LPP: variants seen among roughly 807,000 people sequenced by gnomAD.
LPP encodes the protein lipoma-preferred partner.
In LPP, 38 loss-of-function variants were observed where a neutral mutation model predicts 60.4. That is an observed-to-expected ratio of 0.63 (90% CI 0.49 to 0.83). The LOEUF (loss-of-function observed/expected upper bound fraction) is 0.83. LPP is among the 40% of genes least tolerant of loss of function. LPP has a pLI of 0.00. For missense variants in LPP, 902 were observed against 783.6 expected (o/e 1.15, Z -1.80); for synonymous variants, 328 against 290.8 (o/e 1.13, Z -1.30).
intron 9 of LPP, among the ~76,000 whole-genome samples, chr3:188,789,597 A>C (rs1001740283): frequency 2.0e-5 from 3 of 152,004 alleles, no homozygotes; most frequent in African/African-American, 7.3e-5. Flanking sequence ...CCAGCTTTTG[A>C]TGTGCTTGCA....
In LPP at chr3:188,528,317, G is replaced by A. The variant is rs967350561; in HGVS notation, c.429+3530G>A. On this transcript the variant is annotated intron_variant, in intron 6 of 11. Coordinates refer to ENST00000617246, the MANE Select transcript of LPP (RefSeq NM_001375462.1). Reference sequence around the variant, plus strand: ...GCTGGGGTTACAGGCATGAGCCACCGTGCCCTGCCCCTCCCCGCCCCCCAG... The same window carrying A: ...GCTGGGGTTACAGGCATGAGCCACCATGCCCTGCCCCTCCCCGCCCCCCAG... Among the ~76,000 whole-genome samples, 19 of 152,098 alleles carry A rather than the reference G, an allele frequency of 1.2e-4. No individual in the cohort carries two copies. In the East Asian group the frequency reaches 3.1e-3, roughly 25 times the overall value.
intron 8 of LPP, among the ~76,000 whole-genome samples, chr3:188,755,289 T>C (rs1394530008): frequency 6.6e-6 from 1 of 152,132 alleles, no homozygotes; most frequent in Non-Finnish European, 1.5e-5. Context: ...TGGTGAATAA[T>C]GGGAAAGTTT....
chr3:188,440,949 ATGTGTG>A (rs10680234), intron 4 of LPP, among the ~76,000 whole-genome samples: 1 of 146,840 alleles, frequency 6.8e-6, no homozygotes, highest in Non-Finnish European at 1.5e-5. Context: ...CTCCCTTAAT[ATGTGTG>A]TGTGTGTGTG....
intron 5 of LPP, among the ~76,000 whole-genome samples, chr3:188,485,536 G>A (rs1471268016): frequency 4.6e-5 from 7 of 152,088 alleles, no homozygotes; most frequent in Non-Finnish European, 8.8e-5. Context: ...GGTGGCTCAC[G>A]CCTGTAATCC....
intron 3 of LPP, among the ~76,000 whole-genome samples, chr3:188,374,644 G>C (rs10937346): frequency 6.6e-6 from 1 of 152,056 alleles, no homozygotes; most frequent in African/African-American, 2.4e-5. Flanking sequence ...CAATCATGTC[G>C]TCTGCAAACA....
intron 2 of LPP, among the ~76,000 whole-genome samples, chr3:188,327,504 G>T (rs1373484605): frequency 7.2e-5 from 11 of 152,172 alleles, no homozygotes; most frequent in Non-Finnish European, 1.6e-4. Flanking sequence ...GGTTTGGAGA[G>T]ATACTGTCTT....
intron 9 of LPP, among the ~76,000 whole-genome samples, chr3:188,823,657 A>G (rs1266317976): frequency 6.6e-6 from 1 of 152,226 alleles, no homozygotes. Flanking sequence ...AAGAACAAAT[A>G]AAGTTACATA....
At chr3:188,743,123 T>C (rs1375987856) in intron 8 of LPP, among the ~76,000 whole-genome samples, 1 of 152,182 alleles carries the variant, frequency 6.6e-6, no homozygotes, top group African/African-American at 2.4e-5. Flanking sequence ...TCATAGAACA[T>C]TTACCTGCTT....
intron 4 of LPP, among the ~76,000 whole-genome samples, chr3:188,409,219 G>C (rs1229174185): frequency 1.3e-5 from 2 of 152,022 alleles, no homozygotes; most frequent in Non-Finnish European, 2.9e-5. Flanking sequence ...GCTCTCTCTT[G>C]CATTTCTGCC....
intron 2 of LPP, among the ~76,000 whole-genome samples, chr3:188,252,031 G>GATATATAT (rs10579787): frequency 1.2e-4 from 5 of 41,414 alleles, no homozygotes; most frequent in African/African-American, 1.6e-4. Flanking sequence ...TTTTAATCCT[G>GATATATAT]ATATATATAT....
chr3:188,633,897 T>A (rs1002993808), intron 7 of LPP, among the ~76,000 whole-genome samples: 2 of 152,190 alleles, frequency 1.3e-5, no homozygotes, highest in Non-Finnish European at 2.9e-5. Flanking sequence ...GCTTTTAACC[T>A]TCTGATCTCA....
chr3:188,863,520 C>T (rs918259217), intron 9 of LPP, among the ~76,000 whole-genome samples: 3 of 152,154 alleles, frequency 2.0e-5, no homozygotes, highest in Non-Finnish European at 4.4e-5. Context: ...GAACTCCCAG[C>T]CCCCTCCTCC....
intron 2 of LPP, among the ~76,000 whole-genome samples, chr3:188,230,025 C>G (rs1278795221): frequency 6.6e-6 from 1 of 152,032 alleles, no homozygotes; most frequent in Non-Finnish European, 1.5e-5. Flanking sequence ...AGTCCCTGAC[C>G]CTGAGAAGCT....
rs61486559 is a variant in LPP at position 188,785,529 on chromosome 3, TTCC to T, written c.1410+25248_1410+25250del. On this transcript the variant is annotated intron_variant, in intron 9 of 11. Transcript: ENST00000617246. ...TCCATCATATATATATATATATATA[TTCC>T]ATCATATATATATATACACACACAC... is the stretch of plus-strand genomic sequence containing the variant. 2.3e-3 allele frequency among the ~76,000 whole-genome samples: 53 copies of T among 23,040 alleles called. 15 individuals carry two copies. In the South Asian group the frequency reaches 0.038, roughly 17 times the overall value. The allele number at this position is 23,040 out of a possible 152,430, so 15.1% of individuals were successfully genotyped here. A position where few individuals can be genotyped will look rare whatever the true frequency, so the allele number is the denominator to read the frequency against.
At chr3:188,729,067 G>A (rs1047242086) in intron 8 of LPP, among the ~76,000 whole-genome samples, 1 of 152,176 alleles carries the variant, frequency 6.6e-6, no homozygotes, top group African/African-American at 2.4e-5. Flanking sequence ...TCCCTAGGGA[G>A]ATTAAGAGGT....
chr3:188,791,532 G>T (rs1218996382), intron 9 of LPP, among the ~76,000 whole-genome samples: 4 of 151,940 alleles, frequency 2.6e-5, no homozygotes. Flanking sequence ...GAGATGAAAT[G>T]CTTTTGTATC....
At chr3:188,772,049 G>T (rs1201473419) in intron 9 of LPP, among the ~76,000 whole-genome samples, 1 of 152,240 alleles carries the variant, frequency 6.6e-6, no homozygotes, top group Non-Finnish European at 1.5e-5. Context: ...ACAGCAGGGA[G>T]TTGGGAGGTA....
intron 6 of LPP, among the ~76,000 whole-genome samples, chr3:188,532,127 C>T (rs1822340863): frequency 6.6e-6 from 1 of 152,120 alleles, no homozygotes; most frequent in Non-Finnish European, 1.5e-5. Context: ...AGTGTTCTGT[C>T]CAGGCATGGT....
chr3:188,201,215 A>G (rs947564872), intron 1 of LPP, among the ~76,000 whole-genome samples: 10 of 152,226 alleles, frequency 6.6e-5, no homozygotes, highest in Non-Finnish European at 8.8e-5. Flanking sequence ...CTGGGAGCCA[A>G]TACTGGGAAG....
Sources: allele counts gnomAD v4.1 joint callset (sites outside exome capture counted in the v4.1 genomes callset), GRCh38; gene constraint gnomAD v4.1.1; transcripts MANE v1.5; gene names NCBI Gene and HGNC (gene_info 2026-07-23, HGNC 2026-07-21).